The following CNTN5 variants were observed in gnomAD, a reference collection of about 807,000 sequenced individuals.
CNTN5 encodes contactin 5.
Under a neutral mutation model 129.1 loss-of-function variants are expected in CNTN5, and 77 were observed. That is an observed-to-expected ratio of 0.60 (90% CI 0.50 to 0.72). The LOEUF is 0.72. Ranked by LOEUF, CNTN5 falls within the 30% of genes least tolerant of loss-of-function variation. The pLI, the probability that CNTN5 is intolerant of heterozygous loss-of-function variation, is 0.00. For synonymous variants in CNTN5, 509 were observed against 465.6 expected (o/e 1.09, Z -1.20); for missense variants, 1,478 against 1,328.8 (o/e 1.11, Z -1.75).
chr11:99,022,985 A>G (rs1273076586), intron 1 of CNTN5, among the ~76,000 whole-genome samples: 1 of 152,236 alleles, frequency 6.6e-6, no homozygotes, highest in African/African-American at 2.4e-5. Context: ...ATATAATCCC[A>G]TAGATTAACT....
At chr11:99,153,755 C>T (rs1409274449) in intron 1 of CNTN5, among the ~76,000 whole-genome samples, 1 of 146,160 alleles carries the variant, frequency 6.8e-6, no homozygotes, top group Non-Finnish European at 1.5e-5. Flanking sequence ...TGCATTGGTT[C>T]TTACTCCTCT....
intron 3 of CNTN5, among the ~76,000 whole-genome samples, chr11:99,559,374 A>G (rs1948768148): frequency 6.6e-6 from 1 of 152,112 alleles, no homozygotes; most frequent in Admixed American, 6.6e-5. Flanking sequence ...AGAAACGGAA[A>G]AGAACTCTTA....
At chr11:99,145,304 A>T (rs1859725568) in intron 1 of CNTN5, among the ~76,000 whole-genome samples, 1 of 152,044 alleles carries the variant, frequency 6.6e-6, no homozygotes, top group African/African-American at 2.4e-5. Context: ...TCCTGGACTC[A>T]AATGATTCAC....
At chr11:99,828,326 A>G (rs1475021516) in intron 4 of CNTN5, among the ~76,000 whole-genome samples, 2 of 152,168 alleles carry the variant, frequency 1.3e-5, no homozygotes, top group African/African-American at 2.4e-5. Context: ...AGGCTGGGTA[A>G]TTTAAAATGA....
At chr11:99,076,600 A>T (rs911228862) in intron 1 of CNTN5, among the ~76,000 whole-genome samples, 2 of 152,184 alleles carry the variant, frequency 1.3e-5, no homozygotes, top group African/African-American at 4.8e-5. Context: ...GAAGCTTTTT[A>T]AAAAATAGAT....
intron 1 of CNTN5, among the ~76,000 whole-genome samples, chr11:99,218,481 G>A (rs1308756969): frequency 1.3e-5 from 2 of 152,056 alleles, no homozygotes; most frequent in African/African-American, 4.8e-5. Context: ...TGTTGACTGG[G>A]TAATTTATTG....
chr11:100,227,884 G>A (rs1224395303), intron 16 of CNTN5, among the ~76,000 whole-genome samples: 1 of 152,130 alleles, frequency 6.6e-6, no homozygotes, highest in Non-Finnish European at 1.5e-5. Context: ...TCTCACTGAG[G>A]AGGATATACA....
At chr11:100,057,041 T>G (rs1346198251) in intron 9 of CNTN5, among the ~76,000 whole-genome samples, 2 of 151,524 alleles carry the variant, frequency 1.3e-5, no homozygotes, top group African/African-American at 4.8e-5. Flanking sequence ...AAGTAGAAAG[T>G]GTATATCACT....
chr11:99,653,194 A>G (rs1219755222), intron 3 of CNTN5, among the ~76,000 whole-genome samples: 1 of 152,038 alleles, frequency 6.6e-6, no homozygotes, highest in Non-Finnish European at 1.5e-5. Context: ...TCAAGTTACT[A>G]AATGAGTGAA....
intron 13 of CNTN5, among the ~76,000 whole-genome samples, chr11:100,149,799 G>A (rs935547048): frequency 6.6e-6 from 1 of 151,172 alleles, no homozygotes; most frequent in African/African-American, 2.4e-5. Context: ...GGAGGCTGAG[G>A]CAGAAGAATG....
intron 7 of CNTN5, among the ~76,000 whole-genome samples, chr11:99,949,063 A>G (rs11222004): frequency 6.6e-6 from 1 of 152,130 alleles, no homozygotes; most frequent in African/African-American, 2.4e-5. Context: ...ATCTTAAGCT[A>G]ATCTCCAACA....
intron 3 of CNTN5, among the ~76,000 whole-genome samples, chr11:99,567,185 G>A (rs969633511): frequency 1.3e-5 from 2 of 152,146 alleles, no homozygotes; most frequent in African/African-American, 4.8e-5. Context: ...ACTGTCTCCT[G>A]TAGCAGCGCT....
chr11:99,259,521 T>A (rs1212902666), intron 1 of CNTN5, among the ~76,000 whole-genome samples: 1 of 152,024 alleles, frequency 6.6e-6, no homozygotes, highest in Middle Eastern at 3.4e-3. Flanking sequence ...TGCTAATATA[T>A]GGCAAAGAAA....
At chr11:99,239,932 G>T (rs1281127344) in intron 1 of CNTN5, among the ~76,000 whole-genome samples, 1 of 111,510 alleles carries the variant, frequency 9.0e-6, no homozygotes, top group African/African-American at 3.6e-5. Flanking sequence ...GCGAGACTCC[G>T]TCTCAAAAAA....
intron 1 of CNTN5, among the ~76,000 whole-genome samples, chr11:99,095,945 T>C (rs1185595910): frequency 6.6e-6 from 1 of 151,940 alleles, no homozygotes; most frequent in Non-Finnish European, 1.5e-5. Context: ...TCTATTCTGT[T>C]TAAGTGCATT....
At chr11:99,279,584 C>A (rs193260005) in intron 1 of CNTN5, among the ~76,000 whole-genome samples, 14 of 151,792 alleles carry the variant, frequency 9.2e-5, no homozygotes, top group Admixed American at 3.3e-4. Flanking sequence ...CTTGTTGGGG[C>A]AGCTTTGAAC....
At chr11:99,917,622 C>G (rs938796060) in intron 7 of CNTN5, among the ~76,000 whole-genome samples, 4 of 151,866 alleles carry the variant, frequency 2.6e-5, no homozygotes, top group Admixed American at 1.3e-4. Flanking sequence ...ATAAAGTGAC[C>G]CCTGTGGGAA....
At chr11:99,514,231 T>C (rs1447899333) in intron 2 of CNTN5, among the ~76,000 whole-genome samples, 1 of 152,090 alleles carries the variant, frequency 6.6e-6, no homozygotes, top group Admixed American at 6.6e-5. Context: ...CAAACTTGAA[T>C]TGATGAGAAG....
At chr11:99,611,362 C>A (rs552857581) in intron 3 of CNTN5, among the ~76,000 whole-genome samples, 2 of 152,248 alleles carry the variant, frequency 1.3e-5, no homozygotes, top group East Asian at 3.9e-4. Flanking sequence ...AGATATAATT[C>A]ATCTGAGTAA....
Sources: gnomAD v4.1 joint callset for allele counts (sites outside exome capture counted in the v4.1 genomes callset) on GRCh38, gnomAD v4.1.1 for gene constraint, MANE v1.5 for transcripts, NCBI Gene and HGNC (gene_info 2026-07-23, HGNC 2026-07-21) for gene names.